CTNNA3: variants seen among roughly 807,000 people sequenced by gnomAD.
The protein encoded by CTNNA3 is catenin alpha 3, also known as catenin alpha-3.
A neutral mutation model predicts 95.7 loss-of-function variants in CTNNA3; 76 were observed. The ratio of observed to expected loss-of-function variants is 0.79; its 90% CI spans 0.66 to 0.96. The LOEUF (loss-of-function observed/expected upper bound fraction) is 0.96. Ranked by LOEUF, CTNNA3 falls within the 40% of genes least tolerant of loss-of-function variation. CTNNA3 has a pLI of 0.00. For missense variants in CTNNA3, 1,191 were observed against 1,089.8 expected (o/e 1.09, Z -1.31); for synonymous variants, 431 against 374.4 (o/e 1.15, Z -1.74).
intron 11 of CTNNA3, among the ~76,000 whole-genome samples, chr10:66,429,292 A>G (rs557915486): frequency 6.6e-6 from 1 of 152,204 alleles, no homozygotes; most frequent in Non-Finnish European, 1.5e-5. Flanking sequence ...GTCCAGGACC[A>G]GACGGATTCA....
chr10:66,360,937 CTCTCTCTG>C (rs1407896221), intron 12 of CTNNA3, among the ~76,000 whole-genome samples: 4 of 140,800 alleles, frequency 2.8e-5, no homozygotes, highest in African/African-American at 1.1e-4. Flanking sequence ...CTGTCTCTCT[CTCTCTCTG>C]TCTCTCTCTT....
At chr10:67,106,019 T>C (rs549281939) in intron 7 of CTNNA3, among the ~76,000 whole-genome samples, 15 of 152,356 alleles carry the variant, frequency 9.8e-5, no homozygotes, top group Non-Finnish European at 2.1e-4. Context: ...GAGCCACCAT[T>C]GGCTTTGACA....
intron 9 of CTNNA3, among the ~76,000 whole-genome samples, chr10:66,685,473 CGCCATTCTCCT>C (rs1847263508): frequency 2.1e-5 from 3 of 141,786 alleles, no homozygotes. Context: ...CCCGGGTTCT[CGCCATTCTCCT>C]GCCTCAGCCT....
At chr10:67,090,221 C>T (rs1301534582) in intron 7 of CTNNA3, among the ~76,000 whole-genome samples, 1 of 151,992 alleles carries the variant, frequency 6.6e-6, no homozygotes, top group African/African-American at 2.4e-5. Context: ...CTTTCTATGC[C>T]TTGTATTGGT....
At chr10:67,465,901 T>C (rs1357122374) in intron 5 of CTNNA3, among the ~76,000 whole-genome samples, 1 of 152,178 alleles carries the variant, frequency 6.6e-6, no homozygotes. Context: ...ATTCCTCTCC[T>C]CCCAAAGTCA....
chr10:66,783,758 C>T (rs1840633784), intron 7 of CTNNA3, among the ~76,000 whole-genome samples: 1 of 152,058 alleles, frequency 6.6e-6, no homozygotes, highest in Admixed American at 6.6e-5. Context: ...AATAGAATCA[C>T]CATTTTCTGG....
At chr10:66,963,980 G>A (rs565443763) in intron 7 of CTNNA3, among the ~76,000 whole-genome samples, 2 of 152,044 alleles carry the variant, frequency 1.3e-5, no homozygotes, top group East Asian at 1.9e-4. Flanking sequence ...CCGAGTGGCT[G>A]GGTTTACAGG....
intron 7 of CTNNA3, among the ~76,000 whole-genome samples, chr10:66,794,558 T>A (rs181283137): frequency 2.8e-4 from 43 of 152,258 alleles, no homozygotes; most frequent in African/African-American, 9.9e-4. Flanking sequence ...CAAAACCTTT[T>A]TTGCTGATGG....
chr10:67,701,664 C>A (rs981729373), intron 1 of CTNNA3, among the ~76,000 whole-genome samples: 4 of 152,200 alleles, frequency 2.6e-5, no homozygotes, highest in African/African-American at 9.7e-5. Context: ...CCAGCTGCTG[C>A]AAATTCATGC....
intron 7 of CTNNA3, among the ~76,000 whole-genome samples, chr10:66,935,432 GGATTTTGCCT>G (rs1286434057): frequency 6.6e-6 from 1 of 151,898 alleles, no homozygotes; most frequent in Admixed American, 6.6e-5. Flanking sequence ...TTTATGAAAG[GGATTTTGCCT>G]AATGTATTCA....
intron 7 of CTNNA3, among the ~76,000 whole-genome samples, chr10:66,857,753 T>C (rs4478878): frequency 0.28 from 43,109 of 151,884 alleles, 6,947 homozygotes; most frequent in East Asian, 0.54. Flanking sequence ...TGTACGTTGA[T>C]TTTGTATCCT....
intron 9 of CTNNA3, among the ~76,000 whole-genome samples, chr10:66,630,846 G>C (rs1845110187): frequency 6.6e-6 from 1 of 152,134 alleles, no homozygotes. Flanking sequence ...GCAAATTGCA[G>C]GGAAACAATT....
At chr10:66,621,848 T>C (rs1589511532) in intron 9 of CTNNA3, 64 bp from the exon 10 acceptor site, 7 of 948,884 alleles carry the variant, frequency 7.4e-6, no homozygotes, top group Non-Finnish European at 9.8e-6. Flanking sequence ...GCAACACTTA[T>C]ACTGAACAAG....
chr10:67,500,916 C>T (rs1396781969), intron 5 of CTNNA3, among the ~76,000 whole-genome samples: 1 of 152,190 alleles, frequency 6.6e-6, no homozygotes. Context: ...GACTCTTTAT[C>T]CAATTTGCCA....
intron 11 of CTNNA3, among the ~76,000 whole-genome samples, chr10:66,497,394 C>T (rs16923182): frequency 0.082 from 12,480 of 151,536 alleles, 1,203 homozygotes; most frequent in East Asian, 0.32. Context: ...TAGAAAATGA[C>T]TGGATAATTA....
At chr10:66,754,008 A>T (rs7100496) in intron 9 of CTNNA3, among the ~76,000 whole-genome samples, 6,862 of 152,250 alleles carry the variant, frequency 0.045, 558 homozygotes, top group African/African-American at 0.16. Flanking sequence ...TCAGATTGTC[A>T]TTGAATAAAT....
intron 5 of CTNNA3, among the ~76,000 whole-genome samples, chr10:67,415,829 C>T (rs1845520870): frequency 6.6e-6 from 1 of 151,944 alleles, no homozygotes; most frequent in African/African-American, 2.4e-5. Flanking sequence ...TTAGAGAACC[C>T]AGAAATAAAG....
intron 7 of CTNNA3, among the ~76,000 whole-genome samples, chr10:66,845,555 T>C (rs2132360308): frequency 6.6e-6 from 1 of 151,016 alleles, no homozygotes; most frequent in African/African-American, 2.4e-5. Flanking sequence ...AATACAAAAT[T>C]AGCCTGGCGT....
At chr10:66,603,757 G>T (rs1844016275) in intron 10 of CTNNA3, among the ~76,000 whole-genome samples, 1 of 152,080 alleles carries the variant, frequency 6.6e-6, no homozygotes, top group Non-Finnish European at 1.5e-5. Context: ...ACAGAATAGA[G>T]AATACAGAAA....
Sources: gnomAD v4.1 joint callset for allele counts (sites outside exome capture counted in the v4.1 genomes callset) on GRCh38, gnomAD v4.1.1 for gene constraint, MANE v1.5 for transcripts, NCBI Gene and HGNC (gene_info 2026-07-23, HGNC 2026-07-21) for gene names.